SMG6: variants seen among roughly 807,000 people sequenced by gnomAD.
The protein encoded by SMG6 is telomerase-binding protein EST1A.
Under a neutral mutation model 142.2 loss-of-function variants are expected in SMG6, and 66 were observed. The ratio of observed to expected loss-of-function variants is 0.46; its 90% CI spans 0.38 to 0.57. The LOEUF (loss-of-function observed/expected upper bound fraction) is 0.57. SMG6 is among the 20% of genes least tolerant of loss of function. SMG6 has a pLI of 0.00. For missense variants in SMG6, 1,793 were observed against 1,832.0 expected (o/e 0.98, Z 0.39); for synonymous variants, 779 against 702.4 (o/e 1.11, Z -1.72).
chr17:2,185,661 G>T lies in SMG6; in HGVS notation c.3155+1002C>A, dbSNP rs141521575. Among the ~76,000 whole-genome samples the T allele has an allele frequency of 3.4e-3, 524 of 152,198 alleles. 2 individuals are homozygous for T. Among genetic ancestry groups the T allele is most frequent in the Non-Finnish European group, 5.9e-3 (404 of 68,010 alleles). On this transcript the variant is annotated intron_variant, in intron 12 of 18. Transcript: ENST00000263073. ...TGCCAGACTGACACACAGAGACAGG[G>T]GGCGAGGGCAGGCTCATGGTGAGAA...
chr17:2,107,661 T>C (rs971622899), intron 13 of SMG6, among the ~76,000 whole-genome samples: 5 of 152,162 alleles, frequency 3.3e-5, no homozygotes, highest in Admixed American at 6.5e-5. Context: ...ACAGCTCTGA[T>C]GGAACAAGCC....
chr17:2,104,482 A>C (rs1282432043), intron 13 of SMG6, among the ~76,000 whole-genome samples: 1 of 152,152 alleles, frequency 6.6e-6, no homozygotes. Flanking sequence ...AATTCAGGGC[A>C]GGGAAAGTTC....
intron 10 of SMG6, among the ~76,000 whole-genome samples, chr17:2,230,913 G>A (rs2073471569): frequency 6.6e-6 from 1 of 152,124 alleles, no homozygotes; most frequent in South Asian, 2.1e-4. Flanking sequence ...TGAAAGTCAG[G>A]TGGCAATGAT....
At chr17:2,215,508 C>T (rs1025993763) in intron 10 of SMG6, 2 of 152,078 alleles carry the variant, frequency 1.3e-5, no homozygotes, top group Non-Finnish European at 2.9e-5. Context: ...TTTATTAGTT[C>T]TTAATAAATA....
At chr17:2,277,889 T>A (rs941793922) in intron 8 of SMG6, among the ~76,000 whole-genome samples, 13 of 151,844 alleles carry the variant, frequency 8.6e-5, no homozygotes, top group African/African-American at 3.1e-4. Context: ...TACAAAACAT[T>A]CTTAAAAAAT....
intron 15 of SMG6, among the ~76,000 whole-genome samples, chr17:2,078,881 G>C (rs1417048148): frequency 6.6e-6 from 1 of 152,160 alleles, no homozygotes; most frequent in African/African-American, 2.4e-5. Context: ...GGTCAACTAT[G>C]ACACAGACTG....
At chr17:2,287,504 A>C (rs2074933567) in intron 6 of SMG6, among the ~76,000 whole-genome samples, 1 of 152,212 alleles carries the variant, frequency 6.6e-6, no homozygotes, top group South Asian at 2.1e-4. Context: ...TAAAAACCTA[A>C]AATCAGAATT....
In SMG6 at chr17:2,061,598, TC is replaced by T. The variant is rs1479860167; in HGVS notation, c.4153del (p.Glu1385ArgfsTer5). 6.4e-7 allele frequency: 1 copy of T among 1,572,302 alleles called. No homozygotes were observed. The highest frequency in any genetic ancestry group is 8.6e-7 in the Non-Finnish European group (1 of 1,158,552). On this transcript the variant is annotated frameshift_variant, in exon 19 of 19. Coordinates refer to ENST00000263073, the MANE Select transcript of SMG6 (RefSeq NM_017575.5). LOFTEE classifies it high-confidence loss of function. ...SKEEPIRLLREVVLLTDDRNL... is the reference protein window; with the variant it reads ...SKEEPIRLLRXVVLLTDDRNL... ...CCGGTCATCCGTCAACAGCACCACC[TC>T]CCGCAGTAGCCGGATTGGCTCCTCT...
At chr17:2,184,127 T>C (rs2071894967) in intron 12 of SMG6, among the ~76,000 whole-genome samples, 1 of 152,146 alleles carries the variant, frequency 6.6e-6, no homozygotes, top group Non-Finnish European at 1.5e-5. Flanking sequence ...TTCTGGAGGC[T>C]GAGGCGGGTG....
At chr17:2,191,495 TTG>T (rs1373156777) in intron 10 of SMG6, among the ~76,000 whole-genome samples, 1 of 152,194 alleles carries the variant, frequency 6.6e-6, no homozygotes, top group Non-Finnish European at 1.5e-5. Context: ...TCCTCTGGCT[TTG>T]TGTCAGGTAG....
At chr17:2,078,749 A>G (rs1443163773) in intron 15 of SMG6, among the ~76,000 whole-genome samples, 2 of 152,170 alleles carry the variant, frequency 1.3e-5, no homozygotes, top group East Asian at 3.8e-4. Context: ...GAGACCAAAA[A>G]AAGAATGGTG....
intron 4 of SMG6, among the ~76,000 whole-genome samples, chr17:2,294,585 C>A (rs906451463): frequency 6.6e-6 from 1 of 151,670 alleles, no homozygotes; most frequent in African/African-American, 2.4e-5. Flanking sequence ...ATGTTCCTCT[C>A]CTTGCATCTA....
At chr17:2,210,997 G>A (rs1048464351) in intron 10 of SMG6, among the ~76,000 whole-genome samples, 1 of 151,334 alleles carries the variant, frequency 6.6e-6, no homozygotes, top group Non-Finnish European at 1.5e-5. Context: ...ACAAACTGCC[G>A]GGGTACTTGA....
intron 12 of SMG6, among the ~76,000 whole-genome samples, chr17:2,179,451 T>C (rs965372329): frequency 1.3e-5 from 2 of 152,202 alleles, no homozygotes; most frequent in Non-Finnish European, 2.9e-5. Context: ...GCTTACTGCA[T>C]ACGCCCTACG....
intron 6 of SMG6, among the ~76,000 whole-genome samples, chr17:2,287,065 G>A (rs2074923849): frequency 6.6e-6 from 1 of 151,772 alleles, no homozygotes; most frequent in African/African-American, 2.4e-5. Context: ...CCCAGTAGCT[G>A]GGACTACAGG....
At chr17:2,095,521 C>T (rs1335751315) in intron 13 of SMG6, among the ~76,000 whole-genome samples, 1 of 152,122 alleles carries the variant, frequency 6.6e-6, no homozygotes, top group Non-Finnish European at 1.5e-5. Context: ...TCCTCCAGAC[C>T]CTGGGGACTC....
intron 12 of SMG6, among the ~76,000 whole-genome samples, chr17:2,181,488 G>A (rs1460000809): frequency 3.9e-5 from 6 of 152,252 alleles, no homozygotes; most frequent in Non-Finnish European, 8.8e-5. Flanking sequence ...AGAAGGAGAT[G>A]TTTTTCTCTA....
intron 8 of SMG6, among the ~76,000 whole-genome samples, chr17:2,252,630 A>C (rs1015860115): frequency 5.9e-5 from 9 of 152,226 alleles, no homozygotes; most frequent in African/African-American, 2.2e-4. Flanking sequence ...TAAATGAGTG[A>C]GATCAGTACT....
chr17:2,246,299 A>T (rs1237214102), intron 8 of SMG6, among the ~76,000 whole-genome samples: 3 of 152,234 alleles, frequency 2.0e-5, no homozygotes, highest in Non-Finnish European at 2.9e-5. Flanking sequence ...AGCCAGGAAG[A>T]GAAGTGAAGA....
Sources: gnomAD v4.1 joint callset for allele counts (sites outside exome capture counted in the v4.1 genomes callset) on GRCh38, gnomAD v4.1.1 for gene constraint, MANE v1.5 for transcripts, NCBI Gene and HGNC (gene_info 2026-07-23, HGNC 2026-07-21) for gene names.